SACS: variants seen among roughly 807,000 people sequenced by gnomAD.
SACS encodes the protein sacsin.
In SACS, 197 loss-of-function variants were observed where a neutral mutation model predicts 348.0. The ratio of observed to expected loss-of-function variants is 0.57; its 90% CI spans 0.50 to 0.64. The LOEUF (loss-of-function observed/expected upper bound fraction) is 0.64, where lower values mean the gene tolerates loss of function less well. SACS is among the 30% of genes least tolerant of loss of function. The pLI, the probability that SACS is intolerant of heterozygous loss-of-function variation, is 0.00. For missense variants in SACS, 4,999 were observed against 5,360.8 expected (o/e 0.93, Z 2.11); for synonymous variants, 1,985 against 1,910.6 (o/e 1.04, Z -1.02).
At chr13:23,362,840 C>T (rs911655378) in intron 6 of SACS, among the ~76,000 whole-genome samples, 5 of 152,100 alleles carry the variant, frequency 3.3e-5, no homozygotes, top group Non-Finnish European at 7.4e-5. Flanking sequence ...CCTGCCTCAG[C>T]CTCTCAAAGT....
At chr13:23,410,838 C>T (rs560636839) in intron 2 of SACS, among the ~76,000 whole-genome samples, 1 of 152,202 alleles carries the variant, frequency 6.6e-6, no homozygotes, top group Admixed American at 6.6e-5. Context: ...TCCCTCTCTC[C>T]TCAGGTTATT....
chr13:23,413,571 A>G (rs897235427), intron 1 of SACS, among the ~76,000 whole-genome samples: 2 of 152,024 alleles, frequency 1.3e-5, no homozygotes, highest in Non-Finnish European at 2.9e-5. Flanking sequence ...CATTGTGGGG[A>G]AAAAAAGGAA....
intron 2 of SACS, among the ~76,000 whole-genome samples, chr13:23,398,820 G>A (rs1037357159): frequency 4.0e-5 from 6 of 151,590 alleles, no homozygotes; most frequent in African/African-American, 1.2e-4. Context: ...GGACTTAAAA[G>A]GATGCCTGGT....
chr13:23,400,301 C>T (rs1308872805), intron 2 of SACS, among the ~76,000 whole-genome samples: 2 of 152,128 alleles, frequency 1.3e-5, no homozygotes, highest in Non-Finnish European at 2.9e-5. Flanking sequence ...TCAAATATAA[C>T]CCATCTGATT....
intron 6 of SACS, 30 bp from the exon 7 acceptor site, chr13:23,358,511 CA>C: frequency 1.9e-6 from 3 of 1,612,080 alleles, no homozygotes; most frequent in Non-Finnish European, 2.5e-6. Context: ...GGCAGGAATT[CA>C]AAAAAGATAC....
At chr13:23,393,682 G>A (rs1872611106) in intron 2 of SACS, among the ~76,000 whole-genome samples, 1 of 152,198 alleles carries the variant, frequency 6.6e-6, no homozygotes, top group African/African-American at 2.4e-5. Context: ...TGAATTTTCT[G>A]AGTGATAGGA....
intron 7 of SACS, among the ~76,000 whole-genome samples, 179 bp downstream of exon 7, chr13:23,358,156 T>C (rs938654295): frequency 6.6e-6 from 1 of 152,254 alleles, no homozygotes. Context: ...ATTGTTACTG[T>C]GGTAATTTCA....
rs763741344 is a variant in SACS, at chr13:23,335,868, A to G, written c.8008T>C (p.Leu2670=). Residue 2670 remains leucine (L), a synonymous_variant, in exon 10 of 10, where the codon TTG becomes CTG. Transcript: ENST00000382292. This position sits in a 1 kb window ranked among gnomAD's most constrained non-coding sequence, Gnocchi z 4.7. The part of the protein sequence containing the change: ...SISPGRMFRD[L]DADFRTQFSD... ...AACTGTGTCCTAAAATCTGCATCCA[A>G]ATCTCTAAACATGCGTCCGGGACTA... The G allele has an allele frequency of 1.2e-6, 2 of 1,613,792 alleles. No individual in the cohort carries two copies. The highest frequency in any genetic ancestry group is 2.7e-5 in the African/African-American group (2 of 74,902).
At chr13:23,360,840 C>T (rs1006439099) in intron 6 of SACS, among the ~76,000 whole-genome samples, 21 of 151,286 alleles carry the variant, frequency 1.4e-4, no homozygotes, top group Admixed American at 5.9e-4. Flanking sequence ...ATTGCACCTC[C>T]GCCTCCCGGG....
chr13:23,339,772 G>T lies in SACS; in HGVS notation c.4104C>A (p.Ser1368Arg). The T allele has an allele frequency of 6.2e-7, 1 of 1,614,040 alleles. No homozygotes were observed. Among genetic ancestry groups the T allele is most frequent in the Non-Finnish European group, 8.5e-7 (1 of 1,179,966 alleles). The change falls in exon 10 of 10, where the codon AGC (serine) becomes AGA (arginine). Residue 1368 changes from serine to arginine, a missense_variant. Coordinates refer to ENST00000382292, the MANE Select transcript of SACS (RefSeq NM_014363.6). ...TGTTGGGGCTTGCTGGAATCTGATTGCTATACAGCCATCTGATAATATTCA... is the reference window on the plus strand; with the variant it reads ...TGTTGGGGCTTGCTGGAATCTGATTTCTATACAGCCATCTGATAATATTCA... ...LMLNIIRWLYSNQIPASPNTP... is the reference protein window; with the variant it reads ...LMLNIIRWLYRNQIPASPNTP...
At chr13:23,370,100 C>T (rs1436958179) in intron 4 of SACS, among the ~76,000 whole-genome samples, 2 of 152,148 alleles carry the variant, frequency 1.3e-5, no homozygotes, top group Non-Finnish European at 1.5e-5. Flanking sequence ...CCTCGTGATT[C>T]GCCTGCCTTG....
intron 2 of SACS, among the ~76,000 whole-genome samples, chr13:23,405,535 G>A (rs1052342387): frequency 1.3e-5 from 2 of 152,166 alleles, no homozygotes; most frequent in East Asian, 1.9e-4. Flanking sequence ...AATGGCAATC[G>A]AAGCCAAAAT....
Position 23,355,013 on chromosome 13 carries a change from C to T in SACS, c.1599G>A (p.Lys533=), listed in dbSNP as rs2137720717. 1.2e-6 allele frequency: 2 copies of T among 1,614,248 alleles called. No individual in the cohort carries two copies. Residue 533 remains lysine (K), a synonymous_variant, in exon 8 of 10, where the codon AAG becomes AAA. Coordinates refer to ENST00000382292, the MANE Select transcript of SACS (RefSeq NM_014363.6). Reference sequence around the variant, plus strand: ...TGACTTTGCTCGCCTCCGGCCAAAGCTTATAGATAACATCAACTGACAAGG... The same window carrying T: ...TGACTTTGCTCGCCTCCGGCCAAAGTTTATAGATAACATCAACTGACAAGG... ...DFPLSVDVIY[K]LWPEASKVKV... is the part of the protein sequence containing the mutation.
Position 23,358,366 on chromosome 13 carries a change from T to C in SACS, c.573A>G (p.Gly191=), listed in dbSNP as rs750678759. 6.2e-6 allele frequency: 10 copies of C among 1,614,024 alleles called. No individual in the cohort carries two copies. The highest frequency in any genetic ancestry group is 8.5e-6 in the Non-Finnish European group (10 of 1,180,002). Residue 191 remains glycine (G), a synonymous_variant, in exon 7 of 10, where the codon GGA becomes GGG. Coordinates refer to ENST00000382292, the MANE Select transcript of SACS (RefSeq NM_014363.6). ...TATGATAGACAGAATTAAACCCAAT[T>C]CCAAATCTTCCGACCTTCAGAGGAT... The part of the protein sequence containing the change: ...KDDPLKVGRF[G]IGFNSVYHIT...
At position 23,331,206 on chromosome 13, in the gene SACS, T is replaced by C. The variant is rs764176149; in HGVS notation, c.12670A>G (p.Ile4224Val). Residue 4224 changes from isoleucine to valine, a missense_variant, in exon 10 of 10, where the codon ATA (isoleucine) becomes GTA (valine). This residue lies in a region of SACS where 831 missense variants were observed against 941.8 expected (regional missense o/e 0.88). Transcript: ENST00000382292. Reference sequence around the variant, plus strand: ...CTATAACCAATATCTATCTGATATATCTTTCCTAGAAAACTAGAATTGTCA... The same window carrying C: ...CTATAACCAATATCTATCTGATATACCTTTCCTAGAAAACTAGAATTGTCA... ...DADNSSFLGK[I>V]YQIDIGYSEY... The C allele has an allele frequency of 8.1e-6, 13 of 1,613,754 alleles. 1 individual carries two copies. The East Asian group carries it at 2.5e-4, about 30-fold the overall frequency.
chr13:23,389,904 T>C (rs1371844845), intron 2 of SACS, among the ~76,000 whole-genome samples: 1 of 152,210 alleles, frequency 6.6e-6, no homozygotes, highest in Non-Finnish European at 1.5e-5. Context: ...GTCAAGTTAT[T>C]TGGCTGCATC....
chr13:23,332,207 T>C lies in SACS; in HGVS notation c.11669A>G (p.Asn3890Ser). ...ATCACTCCTCACCTTGACTGAATCATTCTGTAGACTCCTGAACAGACCAGA... is the reference window on the plus strand; with the variant it reads ...ATCACTCCTCACCTTGACTGAATCACTCTGTAGACTCCTGAACAGACCAGA... The part of the protein sequence containing the change: ...VVSGLFRSLQ[N>S]DSVKVRSDLE... The change falls in exon 10 of 10, where the codon AAT becomes AGT. Residue 3890 changes from asparagine (N) to serine (S), a missense_variant. Physicochemically the swap from Asn to Ser is conservative, Grantham distance 46. Around this residue, in one of 6 missense-constraint regions of SACS, gnomAD observed 831 missense variants for 941.8 expected, o/e 0.88. Coordinates refer to ENST00000382292, the MANE Select transcript of SACS (RefSeq NM_014363.6). 1 of 1,614,042 alleles carries C rather than the reference T, an allele frequency of 6.2e-7. No individual in the cohort carries two copies. Among genetic ancestry groups the C allele is most frequent in the Non-Finnish European group, 8.5e-7 (1 of 1,179,954 alleles).
rs1868756826 is a variant in SACS, at chr13:23,337,595, A to T, written c.6281T>A (p.Val2094Asp). 1.9e-6 allele frequency: 3 copies of T among 1,613,994 alleles called. No individual in the cohort carries two copies. The highest frequency in any genetic ancestry group is 1.3e-5 in the African/African-American group (1 of 75,046). ...CAAGGAACAAGGAATACATGGAGTA[A>T]CACGAAGAACTCCCGAGAACTCATC... The part of the protein sequence containing the change: ...KVDEFSGVLR[V>D]TPCIPCSLEG... Residue 2094 changes from valine (V) to aspartate (D), a missense_variant, in exon 10 of 10, where the codon GTT (valine) becomes GAT (aspartate). Val to Asp is a radical substitution (Grantham distance 152). Transcript: ENST00000382292.
intron 6 of SACS, among the ~76,000 whole-genome samples, chr13:23,361,459 G>A (rs1485816918): frequency 1.3e-5 from 2 of 151,928 alleles, no homozygotes; most frequent in South Asian, 4.2e-4. Flanking sequence ...TGTGTTCTTG[G>A]TTCTAAAAGT....
Sources: gnomAD v4.1 joint callset for allele counts (sites outside exome capture counted in the v4.1 genomes callset) on GRCh38, gnomAD v4.1.1 for gene constraint, gnomAD v4.1.1 regional missense constraint, Gnocchi (gnomAD v3.1) non-coding constraint, MANE v1.5 for transcripts, NCBI Gene and HGNC (gene_info 2026-07-23, HGNC 2026-07-21) for gene names.